The following ACIN1 variants were observed in gnomAD, a reference collection of about 807,000 sequenced individuals.
ACIN1 encodes the protein apoptotic chromatin condensation inducer 1.
Under a neutral mutation model 146.6 loss-of-function variants are expected in ACIN1, and 16 were observed. The observed-to-expected ratio is 0.11, with a 90% confidence interval of 0.07 to 0.17. The LOEUF (loss-of-function observed/expected upper bound fraction) is 0.17, where lower values mean the gene tolerates loss of function less well. Ranked by LOEUF, ACIN1 falls within the 10% of genes least tolerant of loss-of-function variation. The probability of loss-of-function intolerance (pLI) is 1.00; values close to 1 mark genes in which losing one functional copy is unlikely to be tolerated. For missense variants in ACIN1, 1,357 were observed against 1,609.3 expected (o/e 0.84, Z 2.68); for synonymous variants, 569 against 582.7 (o/e 0.98, Z 0.34).
At chr14:23,066,354 T>C (rs934264973) in intron 9 of ACIN1, 13 of 178,560 alleles carry the variant, frequency 7.3e-5, no homozygotes, top group South Asian at 2.9e-4. Context: ...TCATACCCCC[T>C]CTTTCACCGT....
chr14:23,075,342 T>TC (rs1555372707), intron 8 of ACIN1, among the ~76,000 whole-genome samples: 1 of 149,994 alleles, frequency 6.7e-6, no homozygotes, highest in Non-Finnish European at 1.5e-5. Flanking sequence ...TTTTTTTTTT[T>TC]AAGTAAAAAG....
chr14:23,068,155 T>G lies in ACIN1; in HGVS notation c.2265+1321A>C. The G allele has an allele frequency of 1.0e-6, 1 of 985,954 alleles. No homozygotes were observed. Among genetic ancestry groups the G allele is most frequent in the Non-Finnish European group, 1.2e-6 (1 of 829,992 alleles). The allele number at this position is 985,954 out of a possible 1,614,324, so 61.1% of individuals were successfully genotyped here. On this transcript the variant is annotated intron_variant, in intron 9 of 18. Transcript: ENST00000605057. This position sits in a 1 kb window ranked among gnomAD's most constrained non-coding sequence, Gnocchi z 4.3. ...ATTAAATCCCCAGGGGCTCAGACCC[T>G]AGACTCCTCTGCACGGTTCCTAGTC...
chr14:23,086,987 G>C (rs533226829), intron 4 of ACIN1, among the ~76,000 whole-genome samples: 1 of 152,210 alleles, frequency 6.6e-6, no homozygotes, highest in East Asian at 1.9e-4. Flanking sequence ...TCTTTGGGTA[G>C]GGGCCAGGAA....
chr14:23,067,270 A>T lies in ACIN1; in HGVS notation c.2266-1262T>A. ...AAAAGAAGAAGAAAATAAAGAAGAA[A>T]ATAAACTAGGAATATGACAAATGTT... On this transcript the variant is annotated intron_variant, in intron 9 of 18. Coordinates refer to ENST00000605057, the MANE Select transcript of ACIN1 (RefSeq NM_001386863.1). This position sits in a 1 kb window ranked among gnomAD's most constrained non-coding sequence, Gnocchi z 4.6. The T allele has an allele frequency of 1.0e-6, 1 of 981,240 alleles. No homozygotes were observed. The highest frequency in any genetic ancestry group is 1.2e-6 in the Non-Finnish European group (1 of 825,794). 60.8% of individuals were successfully genotyped at this position (981,240 alleles called of 1,614,324 possible).
chr14:23,064,570 T>A (rs2047390510), intron 10 of ACIN1, 82 bp from the exon 11 acceptor site: 1 of 1,531,956 alleles, frequency 6.5e-7, no homozygotes, highest in African/African-American at 1.4e-5. Context: ...AGGTTACCTC[T>A]GGCTGGAGTT....
At position 23,079,694 on chromosome 14, in the gene ACIN1, T is replaced by A; in HGVS notation, c.1641A>T (p.Ser547=). 1.9e-6 allele frequency: 3 copies of A among 1,614,046 alleles called. No individual in the cohort carries two copies. Among genetic ancestry groups the A allele is most frequent in the Non-Finnish European group, 2.5e-6 (3 of 1,180,014 alleles). The change falls in exon 6 of 19, where the codon TCA becomes TCT. Residue 547 remains serine (S), a synonymous_variant. Coordinates refer to ENST00000605057, the MANE Select transcript of ACIN1 (RefSeq NM_001386863.1). ...CATCTCTCTGCTTGGATCTGAGCGGTGAATGAGACCGAGAACCTGAACTGT... is the reference window on the plus strand; with the variant it reads ...CATCTCTCTGCTTGGATCTGAGCGGAGAATGAGACCGAGAACCTGAACTGT... The part of the protein sequence containing the change: ...SPDSSGSRSH[S]PLRSKQRDVA...
intron 8 of ACIN1, among the ~76,000 whole-genome samples, chr14:23,070,707 A>G (rs1594757349): frequency 6.6e-6 from 1 of 152,164 alleles, no homozygotes; most frequent in African/African-American, 2.4e-5. Context: ...GAGAGGGGAA[A>G]CCAAGCCTCC....
intron 8 of ACIN1, among the ~76,000 whole-genome samples, chr14:23,070,813 G>C (rs1286015995): frequency 6.6e-6 from 1 of 152,176 alleles, no homozygotes; most frequent in Non-Finnish European, 1.5e-5. Context: ...CAGTCAAGAA[G>C]GGATGCACTA....
At position 23,068,079 on chromosome 14, in the gene ACIN1, A is replaced by G; in HGVS notation, c.2265+1397T>C. On this transcript the variant is annotated intron_variant, in intron 9 of 18. Coordinates refer to ENST00000605057, the MANE Select transcript of ACIN1 (RefSeq NM_001386863.1). This position sits in a 1 kb window ranked among gnomAD's most constrained non-coding sequence, Gnocchi z 4.3. ...CACCATGGACAACAGGGACCAAAGG[A>G]AAGTCCATCTGATGAGCAAGTGGTG... 2 of 985,858 alleles carry G rather than the reference A, an allele frequency of 2.0e-6. No homozygotes were observed. The highest frequency in any genetic ancestry group is 2.4e-6 in the Non-Finnish European group (2 of 829,960). 61.1% of individuals were successfully genotyped at this position (985,858 alleles called of 1,614,324 possible).
intron 8 of ACIN1, among the ~76,000 whole-genome samples, chr14:23,072,205 T>A (rs1240221676): frequency 6.6e-6 from 1 of 152,168 alleles, no homozygotes; most frequent in Non-Finnish European, 1.5e-5. Context: ...GGGAGAGTTC[T>A]TTTTTCAAAT....
At chr14:23,083,720 C>A (rs1361869561) in intron 4 of ACIN1, among the ~76,000 whole-genome samples, 2 of 152,094 alleles carry the variant, frequency 1.3e-5, no homozygotes, top group Non-Finnish European at 2.9e-5. Context: ...CAGAGCGAGA[C>A]TCCGTCTCAA....
intron 8 of ACIN1, among the ~76,000 whole-genome samples, chr14:23,074,923 T>C (rs2047759762): frequency 1.3e-5 from 2 of 152,202 alleles, no homozygotes; most frequent in Non-Finnish European, 2.9e-5. Context: ...CGTGAAAATT[T>C]AATAAGAAAC....
At chr14:23,071,520 C>T (rs967211214) in intron 8 of ACIN1, 43 of 1,551,328 alleles carry the variant, frequency 2.8e-5, no homozygotes, top group Admixed American at 9.8e-5. Flanking sequence ...ATTGGCGGAG[C>T]GGCAGCGATC....
Position 23,080,438 on chromosome 14 carries a change from C to T in ACIN1, c.897G>A (p.Gln299=), listed in dbSNP as rs2140160110. The change falls in exon 6 of 19, where the codon CAG becomes CAA. Residue 299 remains glutamine (Q), a synonymous_variant. Coordinates refer to ENST00000605057, the MANE Select transcript of ACIN1 (RefSeq NM_001386863.1). ...GAGATGTTGTTTTCATTTCCTTCTC[C>T]TGCTGCTGTCTGGCCAGATGACTTT... ...ARKSHLARQQ[Q]EKEMKTTSPL... 1.2e-6 allele frequency: 2 copies of T among 1,614,056 alleles called. No homozygotes were observed. Among genetic ancestry groups the T allele is most frequent in the African/African-American group, 2.7e-5 (2 of 74,968 alleles).
Position 23,078,238 on chromosome 14 carries a change from T to C in ACIN1, c.2036A>G (p.Glu679Gly), listed in dbSNP as rs1196649564. ...RGSPKKCEAE[E>G]AEPPAATQPQ... ...CTGTGTGGCAGCTGGTGGCTCTGCCTCTTCAGCTTCACACTTCTTTGGGCT... is the reference window on the plus strand; with the variant it reads ...CTGTGTGGCAGCTGGTGGCTCTGCCCCTTCAGCTTCACACTTCTTTGGGCT... The change falls in exon 8 of 19, where the codon GAG (glutamate) becomes GGG (glycine). Residue 679 changes from glutamate to glycine, a missense_variant. Glu to Gly is a moderately conservative substitution (Grantham distance 98). Coordinates refer to ENST00000605057, the MANE Select transcript of ACIN1 (RefSeq NM_001386863.1). 1 of 1,614,188 alleles carries C rather than the reference T, an allele frequency of 6.2e-7. No homozygotes were observed. Among genetic ancestry groups the C allele is most frequent in the South Asian group, 1.1e-5 (1 of 91,086 alleles).
chr14:23,095,269 A>G (rs745659088), upstream of ACIN1: 3 of 1,600,420 alleles, frequency 1.9e-6, no homozygotes, highest in East Asian at 4.5e-5. Flanking sequence ...ATGTCCTCGG[A>G]TGTTTCCGTC....
intron 10 of ACIN1, among the ~76,000 whole-genome samples, chr14:23,065,039 T>C (rs569586730): frequency 6.6e-6 from 1 of 152,126 alleles, no homozygotes; most frequent in African/African-American, 2.4e-5. Context: ...TAATATCAAG[T>C]AGTGTGGAAG....
At chr14:23,082,724 C>A (rs2140179205) in intron 4 of ACIN1, among the ~76,000 whole-genome samples, 1 of 151,828 alleles carries the variant, frequency 6.6e-6, no homozygotes, top group East Asian at 1.9e-4. Context: ...GGATTACAGG[C>A]ATGAGCTCAC....
intron 4 of ACIN1, 66 bp from the exon 5 acceptor site, chr14:23,081,902 T>C: frequency 1.5e-6 from 2 of 1,336,414 alleles, no homozygotes; most frequent in Non-Finnish European, 2.1e-6. Flanking sequence ...TTTTTAAAAA[T>C]CAGGCTTTCT....
Sources: gnomAD v4.1 joint callset for allele counts (sites outside exome capture counted in the v4.1 genomes callset) on GRCh38, gnomAD v4.1.1 for gene constraint, Gnocchi (gnomAD v3.1) non-coding constraint, MANE v1.5 for transcripts, NCBI Gene and HGNC (gene_info 2026-07-23, HGNC 2026-07-21) for gene names.